The following ZNF98 variants were observed in gnomAD, a reference collection of about 807,000 sequenced individuals.
ZNF98 encodes the protein zinc finger protein 739.
A neutral mutation model predicts 12.8 loss-of-function variants in ZNF98; 8 were observed. That is an observed-to-expected ratio of 0.63 (90% confidence interval 0.37 to 1.13). The LOEUF is 1.13. Ranked by LOEUF, ZNF98 falls within the 50% of genes most tolerant of loss-of-function variation. The pLI is 0.01. For missense variants in ZNF98, 379 were observed against 666.1 expected (o/e 0.57, Z 4.74); for synonymous variants, 112 against 223.5 (o/e 0.50, Z 4.45).
In ZNF98 at chr19:22,416,287, G is replaced by A. The variant is rs181908631; in HGVS notation, c.30+5908C>T. On this transcript the variant is annotated intron_variant, in intron 1 of 3. Coordinates refer to ENST00000357774, the MANE Select transcript of ZNF98 (RefSeq NM_001098626.2). Reference sequence around the variant, plus strand: ...AGATCGAGACCATCTGGGCTAACACGGTGAAACCCCGTCTCTACGAAAAAT... The same window carrying A: ...AGATCGAGACCATCTGGGCTAACACAGTGAAACCCCGTCTCTACGAAAAAT... 3.4e-4 allele frequency among the ~76,000 whole-genome samples: 51 copies of A among 150,840 alleles called. 1 individual carries two copies. Among genetic ancestry groups the A allele is most frequent in the African/African-American group, 1.2e-3 (51 of 41,016 alleles).
At chr19:22,398,306 T>C (rs1194683707) in intron 3 of ZNF98, among the ~76,000 whole-genome samples, 55 of 152,168 alleles carry the variant, frequency 3.6e-4, no homozygotes, top group African/African-American at 1.3e-3. Flanking sequence ...AGTTGTTTAA[T>C]GTGTATTGTA....
chr19:22,415,727 A>G (rs947908641), intron 1 of ZNF98, among the ~76,000 whole-genome samples: 18 of 152,076 alleles, frequency 1.2e-4, no homozygotes, highest in Admixed American at 1.2e-3. Flanking sequence ...TTGAGGCTGC[A>G]GTGAGCTGAG....
intron 1 of ZNF98, among the ~76,000 whole-genome samples, chr19:22,404,476 C>A (rs1313225978): frequency 6.6e-6 from 1 of 152,122 alleles, no homozygotes; most frequent in Non-Finnish European, 1.5e-5. Context: ...TTATGCACAT[C>A]TGCTGAATAA....
intron 1 of ZNF98, among the ~76,000 whole-genome samples, chr19:22,416,774 T>C (rs1969648503): frequency 6.6e-6 from 1 of 151,738 alleles, no homozygotes; most frequent in Non-Finnish European, 1.5e-5. Flanking sequence ...ATATGGTACA[T>C]AAATTATCAT....
In ZNF98 at chr19:22,422,318, G is replaced by A. The variant is rs11669356; in HGVS notation, c.-94C>T. 4.4e-4 allele frequency: 652 copies of A among 1,484,592 alleles called. 3 individuals are homozygous for A. In the African/African-American group the frequency reaches 8.1e-3, roughly 18 times the overall value. The allele number at this position is 1,484,592 out of a possible 1,614,324, so 92.0% of individuals were successfully genotyped here. ...CACAGAAGGGCGAAGACGAGACCAG[G>A]AACTCCGGCTGCAGCGAGAGACAAA... On this transcript the variant is annotated 5_prime_UTR_variant, in exon 1 of 4. Transcript: ENST00000357774.
intron 1 of ZNF98, among the ~76,000 whole-genome samples, chr19:22,419,748 AG>A (rs1300590110): frequency 1.1e-4 from 16 of 152,306 alleles, no homozygotes; most frequent in African/African-American, 3.8e-4. Context: ...GACCATTTCT[AG>A]GAGGTACCAA....
At chr19:22,413,882 A>G (rs1433507806) in intron 1 of ZNF98, among the ~76,000 whole-genome samples, 1 of 150,844 alleles carries the variant, frequency 6.6e-6, no homozygotes, top group Admixed American at 6.6e-5. Context: ...AAAAAAAAAA[A>G]AAAAAAAAAA....
At chr19:22,414,395 A>T (rs1048603099) in intron 1 of ZNF98, among the ~76,000 whole-genome samples, 1 of 152,174 alleles carries the variant, frequency 6.6e-6, no homozygotes, top group African/African-American at 2.4e-5. Context: ...AAAACTTTTA[A>T]AACTTATATG....
rs142206506 is a variant in ZNF98 at position 22,395,043 on chromosome 19, A to G, written c.254-2062T>C. Among the ~76,000 whole-genome samples, 659 of 152,056 alleles carry G rather than the reference A, an allele frequency of 4.3e-3. 4 individuals carry two copies. The highest frequency in any genetic ancestry group is 0.015 in the African/African-American group (638 of 41,476). On this transcript the variant is annotated intron_variant, in intron 3 of 3. Coordinates refer to ENST00000357774, the MANE Select transcript of ZNF98 (RefSeq NM_001098626.2). Reference sequence around the variant, plus strand: ...CAAAAGTAGCTGAGCATGGGGTCACATGCCTGTAATCCCAGCTAAGTGGGA... The same window carrying G: ...CAAAAGTAGCTGAGCATGGGGTCACGTGCCTGTAATCCCAGCTAAGTGGGA...
chr19:22,400,839 GCTA>G (rs1954290643), intron 3 of ZNF98, among the ~76,000 whole-genome samples: 1 of 147,726 alleles, frequency 6.8e-6, no homozygotes, highest in Admixed American at 6.8e-5. Flanking sequence ...TGTAGTCCCA[GCTA>G]CTCGGGAGGC....
chr19:22,407,895 C>T (rs897341016), intron 1 of ZNF98, among the ~76,000 whole-genome samples: 2 of 151,752 alleles, frequency 1.3e-5, no homozygotes, highest in Non-Finnish European at 2.9e-5. Context: ...CATGGAGAAA[C>T]CCCGTCTCTA....
At chr19:22,421,867 C>G (rs1969707942) in intron 1 of ZNF98, among the ~76,000 whole-genome samples, 2 of 152,174 alleles carry the variant, frequency 1.3e-5, no homozygotes, top group African/African-American at 4.8e-5. Context: ...ACCCCCAGCA[C>G]CCCGAGTCAG....
At chr19:22,418,749 G>GT (rs937216646) in intron 1 of ZNF98, among the ~76,000 whole-genome samples, 2 of 152,150 alleles carry the variant, frequency 1.3e-5, no homozygotes, top group African/African-American at 4.8e-5. Flanking sequence ...AGGCATTTTG[G>GT]TAGGTGCCTG....
In ZNF98 at chr19:22,391,141, G is replaced by C. The variant is rs1026339305; in HGVS notation, c.*375C>G. ...CTCTAATACAGAATGAATACAACAA[G>C]ATCTGTGTTACAAGTAAAGTTACCA... On this transcript the variant is annotated 3_prime_UTR_variant, in exon 4 of 4. Transcript: ENST00000357774. The C allele has an allele frequency of 1.3e-4, 27 of 209,164 alleles. No individual in the cohort carries two copies. The highest frequency in any genetic ancestry group is 2.1e-3 in the Middle Eastern group (1 of 474). The allele number at this position is 209,164 out of a possible 1,614,324, so 13.0% of individuals were successfully genotyped here.
At chr19:22,409,246 A>G (rs1413178932) in intron 1 of ZNF98, among the ~76,000 whole-genome samples, 1 of 152,148 alleles carries the variant, frequency 6.6e-6, no homozygotes, top group Non-Finnish European at 1.5e-5. Flanking sequence ...TATGCAGAAA[A>G]CTGAAACTGG....
At chr19:22,406,532 C>A (rs746153551) in intron 1 of ZNF98, among the ~76,000 whole-genome samples, 1 of 152,086 alleles carries the variant, frequency 6.6e-6, no homozygotes, top group Non-Finnish European at 1.5e-5. Flanking sequence ...GAAAAAAACG[C>A]TGAAGCCAGG....
chr19:22,422,060 G>T, intron 1 of ZNF98, 135 bp downstream of exon 1: 1 of 1,162,758 alleles, frequency 8.6e-7, no homozygotes, highest in South Asian at 1.2e-5. Flanking sequence ...GACTGAGGCC[G>T]AGCTAGGCAA....
intron 1 of ZNF98, among the ~76,000 whole-genome samples, chr19:22,405,549 C>T (rs1388664980): frequency 6.6e-6 from 1 of 152,120 alleles, no homozygotes; most frequent in East Asian, 1.9e-4. Flanking sequence ...GCTACTTAGC[C>T]GACAAAACCA....
At chr19:22,399,386 T>C (rs1163499361) in intron 3 of ZNF98, among the ~76,000 whole-genome samples, 1 of 152,172 alleles carries the variant, frequency 6.6e-6, no homozygotes, top group East Asian at 1.9e-4. Flanking sequence ...GTTTTAAATA[T>C]ATGCTATTCT....
Sources: gnomAD v4.1 joint callset for allele counts (sites outside exome capture counted in the v4.1 genomes callset) on GRCh38, gnomAD v4.1.1 for gene constraint, MANE v1.5 for transcripts, NCBI Gene and HGNC (gene_info 2026-07-23, HGNC 2026-07-21) for gene names.